ARID3C: variants seen among roughly 807,000 people sequenced by gnomAD.
ARID3C encodes AT-rich interactive domain-containing protein 3C.
Under a neutral mutation model 37.9 loss-of-function variants are expected in ARID3C, and 42 were observed. That is an observed-to-expected ratio of 1.11 (90% CI 0.87 to 1.43). ARID3C has a LOEUF of 1.43. ARID3C is among the 40% of genes most tolerant of loss of function. The pLI, the probability that ARID3C is intolerant of heterozygous loss-of-function variation, is 0.00. For synonymous variants in ARID3C, 213 were observed against 228.0 expected, an observed-to-expected ratio of 0.93 and a Z score of 0.59; for missense variants, 581 against 548.8, an observed-to-expected ratio of 1.06 and a Z score of -0.59.
chr9:34,625,655 G>A (rs1013448843), intron 2 of ARID3C, 87 bp downstream of exon 3: 9 of 1,455,408 alleles, frequency 6.2e-6, no homozygotes, highest in African/African-American at 4.2e-5. Context: ...GCCAAGCTCA[G>A]GCCTCAGCAG....
intron 2 of ARID3C, 31 bp from the exon 4 acceptor site, chr9:34,624,078 T>G (rs1224366765): frequency 6.5e-7 from 1 of 1,549,968 alleles, no homozygotes; most frequent in Non-Finnish European, 8.7e-7. Context: ...GTCAGGACAC[T>G]GAGACGAAGA....
At chr9:34,629,430 G>T (rs1173333376), upstream of ARID3C, among the ~76,000 whole-genome samples, 1 of 152,248 alleles carries the variant, frequency 6.6e-6, no homozygotes, top group African/African-American at 2.4e-5. Context: ...TCACCACAGT[G>T]CCAATGGCCT....
exon 2 of ARID3C, chr9:34,625,767 G>A (rs754873445): frequency 7.4e-6 from 12 of 1,613,842 alleles, no homozygotes; most frequent in African/African-American, 1.3e-5. Flanking sequence ...AGCTAAACAG[G>A]TCATCCAGAA....
At chr9:34,626,867 T>C (rs1820659812) in intron 1 of ARID3C, among the ~76,000 whole-genome samples, 2 of 152,038 alleles carry the variant, frequency 1.3e-5, no homozygotes, top group Admixed American at 6.6e-5. Context: ...GATCAACACT[T>C]TTGGAATATA....
At chr9:34,623,919 G>C (rs886780224) in exon 3 of ARID3C, 1 of 1,600,302 alleles carries the variant, frequency 6.2e-7, no homozygotes, top group Non-Finnish European at 8.5e-7. Context: ...CTGAGGCCGC[G>C]CGTGACTTCC....
intron 1 of ARID3C, 134 bp from the exon 3 acceptor site, chr9:34,625,948 T>C: frequency 1.0e-6 from 1 of 1,000,760 alleles, no homozygotes; most frequent in Non-Finnish European, 1.5e-6. Flanking sequence ...CTCCCTGGGA[T>C]TAGCATTAGG....
At chr9:34,628,655 G>T (rs1820691348), upstream of ARID3C, among the ~76,000 whole-genome samples, 1 of 152,144 alleles carries the variant, frequency 6.6e-6, no homozygotes, top group Non-Finnish European at 1.5e-5. The surrounding 1 kb of genome is among the most constrained non-coding windows in gnomAD (Gnocchi z 5.2). Flanking sequence ...ATAGACAGGG[G>T]TTGAGATATA....
At chr9:34,623,181 G>A (rs1468618614) in intron 4 of ARID3C, among the ~76,000 whole-genome samples, 3 of 149,636 alleles carry the variant, frequency 2.0e-5, no homozygotes, top group African/African-American at 7.4e-5. Context: ...AGAAAAAAAA[G>A]GACCTTTTCC....
intron 4 of ARID3C, 149 bp downstream of exon 5, chr9:34,623,276 C>A: frequency 1.1e-6 from 1 of 934,520 alleles, no homozygotes; most frequent in South Asian, 3.4e-5. Flanking sequence ...ACCTTAGTGA[C>A]CCCCAAACCT....
At chr9:34,623,372 G>C (rs1185131596) in intron 4 of ARID3C, 53 bp downstream of exon 5, 7 of 1,461,714 alleles carry the variant, frequency 4.8e-6, no homozygotes, top group Non-Finnish European at 6.3e-6. Flanking sequence ...CTATATCTTA[G>C]CGCCCACCTA....
chr9:34,622,035 C>A (rs142710890), exon 6 of ARID3C: 2 of 1,613,964 alleles, frequency 1.2e-6, no homozygotes, highest in East Asian at 4.5e-5. Flanking sequence ...TAGACCACCC[C>A]GTTGATCTCT....
chr9:34,631,285 A>G (rs1286409782), upstream of ARID3C, among the ~76,000 whole-genome samples: 1 of 152,208 alleles, frequency 6.6e-6, no homozygotes. Context: ...CCAGCTCCCA[A>G]ATCAATCAAG....
At chr9:34,621,553 G>C in exon 7 of ARID3C, 1 of 1,575,070 alleles carries the variant, frequency 6.3e-7, no homozygotes. Context: ...CGGGCAAAGA[G>C]GACACCTGGC....
intron 1 of ARID3C, 47 bp downstream of exon 2, chr9:34,627,650 A>G: frequency 6.6e-7 from 1 of 1,519,642 alleles, no homozygotes; most frequent in Non-Finnish European, 8.9e-7. Context: ...TTTTGCCAGA[A>G]GAGAGAGATA....
upstream of ARID3C, among the ~76,000 whole-genome samples, chr9:34,630,710 C>G (rs1163722124): frequency 6.6e-6 from 1 of 152,188 alleles, no homozygotes; most frequent in Non-Finnish European, 1.5e-5. Flanking sequence ...CCCTTCTCTG[C>G]ACCCTTCTGT....
chr9:34,627,604 G>C, intron 1 of ARID3C, 93 bp downstream of exon 2: 6 of 1,148,260 alleles, frequency 5.2e-6, no homozygotes, highest in Non-Finnish European at 7.5e-6. Flanking sequence ...GCAGAGGGTG[G>C]TGGGGGTGGG....
chr9:34,632,246 C>T (rs763570371), upstream of ARID3C, among the ~76,000 whole-genome samples: 3 of 152,116 alleles, frequency 2.0e-5, no homozygotes, highest in Admixed American at 6.5e-5. Flanking sequence ...GCTATGACTA[C>T]GTGGATACCT....
At chr9:34,625,643 C>A in intron 2 of ARID3C, 99 bp downstream of exon 3, 4 of 1,326,038 alleles carry the variant, frequency 3.0e-6, no homozygotes, top group Non-Finnish European at 3.2e-6. Context: ...AGGACAGGTG[C>A]TGCCAAGCTC....
At chr9:34,621,269 G>T, downstream of ARID3C, 1 of 477,302 alleles carries the variant, frequency 2.1e-6, no homozygotes, top group South Asian at 4.0e-5. Context: ...CCAGGGAGGA[G>T]GTGCCCTCCC....
Sources: allele counts gnomAD v4.1 joint callset (sites outside exome capture counted in the v4.1 genomes callset), GRCh38; gene constraint gnomAD v4.1.1; non-coding constraint Gnocchi (gnomAD v3.1); transcripts MANE v1.5; gene names NCBI Gene and HGNC (gene_info 2026-07-23, HGNC 2026-07-21).